Variants in SLC5A2 observed in about 807,000 individuals in gnomAD.
The protein encoded by SLC5A2 is solute carrier family 5 member 2, also known as sodium/glucose cotransporter 2.
In SLC5A2, 67 loss-of-function variants were observed where a neutral mutation model predicts 69.0. The ratio of observed to expected loss-of-function variants is 0.97; its 90% CI spans 0.80 to 1.19. The LOEUF is 1.19. SLC5A2 is among the 50% of genes most tolerant of loss of function. SLC5A2 has a pLI of 0.00. For synonymous variants in SLC5A2, 455 were observed against 395.8 expected (o/e 1.15, Z -1.78); for missense variants, 1,001 against 921.5 (o/e 1.09, Z -1.12).
chr16:31,490,625 G>T lies in SLC5A2; in HGVS notation c.*90G>T. 2 of 1,227,078 alleles carry T rather than the reference G, an allele frequency of 1.6e-6. No homozygotes were observed. The highest frequency in any genetic ancestry group is 2.3e-6 in the Non-Finnish European group (2 of 852,578). 76.0% of individuals were successfully genotyped at this position (1,227,078 alleles called of 1,614,324 possible). On this transcript the variant is annotated 3_prime_UTR_variant, in exon 14 of 14. Coordinates refer to ENST00000330498, the MANE Select transcript of SLC5A2 (RefSeq NM_003041.4). ...GCTCCCCAGAAAAGGGGAAGGGGCA[G>T]TGGGGTGAGAAGGTCCTGGCTCCCC...
intron 1 of SLC5A2, 41 bp downstream of exon 1, chr16:31,483,303 TG>T (rs1391379210): frequency 6.3e-7 from 1 of 1,582,286 alleles, no homozygotes; most frequent in Non-Finnish European, 8.6e-7. Flanking sequence ...CTGCTGGCTT[TG>T]GGGGCCTGGG....
chr16:31,487,219 A>T, intron 5 of SLC5A2, 101 bp from the exon 6 acceptor site: 1 of 1,118,974 alleles, frequency 8.9e-7, no homozygotes, highest in Non-Finnish European at 1.4e-6. Context: ...TTTATTCTCC[A>T]GGAAGGGGAA....
At chr16:31,488,290 C>A in intron 8 of SLC5A2, 93 bp from the exon 9 acceptor site, 4 of 1,596,842 alleles carry the variant, frequency 2.5e-6, no homozygotes, top group Non-Finnish European at 3.4e-6. Context: ...CTCCGGGGGT[C>A]GCACGCCTCC....
chr16:31,489,333 A>T lies in SLC5A2; in HGVS notation c.1660A>T (p.Lys554Ter). Residue 554 changes from lysine (K) to a stop codon, truncating the protein, a stop_gained, in exon 12 of 14, where the codon AAG becomes TAG. Coordinates refer to ENST00000330498, the MANE Select transcript of SLC5A2 (RefSeq NM_003041.4). LOFTEE classifies it high-confidence loss of function. ...VSLCTAPIPR[K>*]HLHRLVFSLR... Reference sequence around the variant, plus strand: ...CCTGTGCACCGCGCCCATCCCCAGAAAGCACGTGAGTGGCCAGGTGCCCCA... The same window carrying T: ...CCTGTGCACCGCGCCCATCCCCAGATAGCACGTGAGTGGCCAGGTGCCCCA... 2 of 1,607,798 alleles carry T rather than the reference A, an allele frequency of 1.2e-6. No homozygotes were observed. The highest frequency in any genetic ancestry group is 1.7e-6 in the Non-Finnish European group (2 of 1,179,924).
chr16:31,488,919 G>T lies in SLC5A2; in HGVS notation c.1320G>T (p.Trp440Cys). Reference protein sequence around the residue: ...VVFIVVVSVAWLPVVQAAQGG... With the variant: ...VVFIVVVSVACLPVVQAAQGG... ...TCATCGTGGTAGTGTCGGTGGCCTG[G>T]CTTCCCGTGGTGCAGGCGGCACAGG... is the stretch of plus-strand genomic sequence containing the variant. Residue 440 changes from tryptophan (W) to cysteine (C), a missense_variant, in exon 11 of 14, where the codon TGG becomes TGT. By Grantham distance (215) the Trp-to-Cys change is radical. Coordinates refer to ENST00000330498, the MANE Select transcript of SLC5A2 (RefSeq NM_003041.4). 1 of 1,605,058 alleles carries T rather than the reference G, an allele frequency of 6.2e-7. No homozygotes were observed.
rs548354130 is a variant in SLC5A2, at chr16:31,488,599, T to C, written c.1130-23T>C. 3 of 1,609,510 alleles carry C rather than the reference T, an allele frequency of 1.9e-6. No individual in the cohort carries two copies. The Admixed American group carries it at 5.0e-5, about 27-fold the overall frequency. ...CCCTGGACCCCCAGTGGCCCCAGCC[T>C]CACGGCTGCCGTCGGCCCGCAGGTC... On this transcript the variant is annotated intron_variant, in intron 9 of 13. Coordinates refer to ENST00000330498, the MANE Select transcript of SLC5A2 (RefSeq NM_003041.4).
rs2082510281 is a variant in SLC5A2, at chr16:31,487,777, C to A, written c.885+18C>A. The A allele has an allele frequency of 6.3e-7, 1 of 1,594,650 alleles. No individual in the cohort carries two copies. Among genetic ancestry groups the A allele is most frequent in the Non-Finnish European group, 8.5e-7 (1 of 1,171,446 alleles). The stretch of plus-strand genomic sequence containing the variant: ...GCGACCAGGTGCGGGTATAGGGCTG[C>A]GCCTGCAGTGAGGCCGGGGCGGAGC... On this transcript the variant is annotated intron_variant, in intron 7 of 13. Transcript: ENST00000330498.
At chr16:31,485,602 G>A in intron 3 of SLC5A2, 127 bp from the exon 4 acceptor site, 1 of 1,187,962 alleles carries the variant, frequency 8.4e-7, no homozygotes, top group Non-Finnish European at 1.2e-6. Context: ...ATCACCTGCA[G>A]TTGTCCTCTG....
rs779993355 is a variant in SLC5A2 at position 31,488,159 on chromosome 16, G to C, written c.1007G>C (p.Arg336Pro). The change falls in exon 8 of 14, where the codon CGC (arginine) becomes CCC (proline). Residue 336 changes from arginine (R) to proline (P), a missense_variant. Physicochemically the swap from Arg to Pro is moderately radical, Grantham distance 103. Coordinates refer to ENST00000330498, the MANE Select transcript of SLC5A2 (RefSeq NM_003041.4). ...FLMVMPGMIS[R>P]ILYPDEVACV... Reference sequence around the variant, plus strand: ...ATGGTCATGCCAGGCATGATCAGCCGCATTCTGTACCCAGGTAACATCCCT... The same window carrying C: ...ATGGTCATGCCAGGCATGATCAGCCCCATTCTGTACCCAGGTAACATCCCT... 1.2e-6 allele frequency: 2 copies of C among 1,614,030 alleles called. No homozygotes were observed. The highest frequency in any genetic ancestry group is 3.3e-5 in the Admixed American group (2 of 60,034).
intron 10 of SLC5A2, 48 bp from the exon 11 acceptor site, chr16:31,488,832 T>C (rs939688684): frequency 1.9e-6 from 3 of 1,601,450 alleles, no homozygotes; most frequent in Admixed American, 1.7e-5. Flanking sequence ...CTTGCGCACC[T>C]GCAGGGGAGC....
intron 1 of SLC5A2, among the ~76,000 whole-genome samples, chr16:31,484,441 A>T (rs138578171): frequency 2.0e-5 from 3 of 151,912 alleles, no homozygotes; most frequent in Admixed American, 2.0e-4. Context: ...GAAAAAAAAA[A>T]AAAGAAAGAA....
Position 31,490,742 on chromosome 16 carries a change from G to A in SLC5A2, c.*207G>A. The A allele has an allele frequency of 6.9e-7, 1 of 1,449,078 alleles. No homozygotes were observed. 89.8% of individuals were successfully genotyped at this position (1,449,078 alleles called of 1,614,324 possible). ...GGCCCACCCGCTGCAGTTGCCCTAA[G>A]GAAAAATAAAGCTGCCTTTCCCCTG... On this transcript the variant is annotated 3_prime_UTR_variant, in exon 14 of 14. Transcript: ENST00000330498.
At chr16:31,489,471 G>A (rs948153024) in intron 12 of SLC5A2, 133 bp downstream of exon 12, 2 of 784,684 alleles carry the variant, frequency 2.5e-6, no homozygotes, top group Non-Finnish European at 4.2e-6. Context: ...AGCTGCAGTT[G>A]CAATTGCCGA....
In SLC5A2 at chr16:31,486,186, G is replaced by C. The variant is rs1281591502; in HGVS notation, c.485G>C (p.Gly162Ala). ...FTKISVDMFSGAVFIQQALGW... is the reference protein window; with the variant it reads ...FTKISVDMFSAAVFIQQALGW... ...TCCCCCAAGGTGGACATGTTCTCCG[G>C]AGCTGTATTCATCCAGCAGGCTCTG... Residue 162 changes from glycine (G) to alanine (A), a missense_variant, in exon 5 of 14, where the codon GGA (glycine) becomes GCA (alanine). Physicochemically the swap from Gly to Ala is moderately conservative, Grantham distance 60. Coordinates refer to ENST00000330498, the MANE Select transcript of SLC5A2 (RefSeq NM_003041.4). 6.2e-7 allele frequency: 1 copy of C among 1,613,152 alleles called. No homozygotes were observed. Among genetic ancestry groups the C allele is most frequent in the Non-Finnish European group, 8.5e-7 (1 of 1,179,274 alleles).
In SLC5A2 at chr16:31,488,086, G is replaced by C. The variant is rs768506138; in HGVS notation, c.934G>C (p.Ala312Pro). ...CGGGAAGAGCCTGACCCACATCAAG[G>C]CGGGCTGCATCCTGTGTGGGTACCT... Reference protein sequence around the residue: ...LAGKSLTHIKAGCILCGYLKL... With the variant: ...LAGKSLTHIKPGCILCGYLKL... The change falls in exon 8 of 14, where the codon GCG becomes CCG. Residue 312 changes from alanine (A) to proline (P), a missense_variant. Coordinates refer to ENST00000330498, the MANE Select transcript of SLC5A2 (RefSeq NM_003041.4). The C allele has an allele frequency of 1.9e-6, 3 of 1,614,036 alleles. No homozygotes were observed. Among genetic ancestry groups the C allele is most frequent in the Non-Finnish European group, 2.5e-6 (3 of 1,179,966 alleles).
intron 5 of SLC5A2, 120 bp downstream of exon 5, chr16:31,486,395 A>G (rs1260330911): frequency 6.8e-6 from 5 of 730,328 alleles, no homozygotes; most frequent in African/African-American, 1.7e-5. Flanking sequence ...GGTGTGGTCC[A>G]AGCAGGAGAA....
chr16:31,484,810 G>A lies in SLC5A2; in HGVS notation c.199-9G>A. ...GCAGCCCTGCTCACTCCCTCCTCTG[G>A]CCACCCAGGTTGGGGCCTCTCTCTT... On this transcript the variant is annotated splice_polypyrimidine_tract_variant and intron_variant, in intron 2 of 13. Transcript: ENST00000330498. 1 of 1,612,638 alleles carries A rather than the reference G, an allele frequency of 6.2e-7. No homozygotes were observed. Among genetic ancestry groups the A allele is most frequent in the South Asian group, 1.1e-5 (1 of 91,086 alleles).
At position 31,488,633 on chromosome 16, in the gene SLC5A2, CTCATGCTGGCGG is replaced by C. The variant is rs770588592; in HGVS notation, c.1152_1163del (p.Val385_Ala388del). On this transcript the variant is annotated inframe_deletion, in exon 10 of 14. Coordinates refer to ENST00000330498, the MANE Select transcript of SLC5A2 (RefSeq NM_003041.4). ...CCGTCGGCCCGCAGGTCTGCGCGGA[CTCATGCTGGCGG>C]TCATGCTGGCCGCGCTCATGTCCTC... is the stretch of plus-strand genomic sequence containing the variant. 264 of 1,611,544 alleles carry C rather than the reference CTCATGCTGGCGG, an allele frequency of 1.6e-4. No homozygotes were observed. Among genetic ancestry groups the C allele is most frequent in the South Asian group, 2.1e-4 (19 of 91,006 alleles).
rs996105117 is a variant in SLC5A2 at position 31,488,779 on chromosome 16, C to A, written c.1280+7C>A. ...AGCTGCTGCTGGTGGGACGGTGCGG[C>A]CTGGGCTCCCCTCCTCCCCAACGGA... On this transcript the variant is annotated splice_region_variant and intron_variant, in intron 10 of 13. Transcript: ENST00000330498. 6.2e-7 allele frequency: 1 copy of A among 1,600,016 alleles called. No individual in the cohort carries two copies. Among genetic ancestry groups the A allele is most frequent in the Non-Finnish European group, 8.5e-7 (1 of 1,177,450 alleles).
Sources: gnomAD v4.1 joint callset for allele counts (sites outside exome capture counted in the v4.1 genomes callset) on GRCh38, gnomAD v4.1.1 for gene constraint, MANE v1.5 for transcripts, NCBI Gene and HGNC (gene_info 2026-07-23, HGNC 2026-07-21) for gene names.